Variants in PYGO1 observed in about 807,000 individuals in gnomAD.
PYGO1 encodes the protein pygopus homolog 1.
Under a neutral mutation model 29.5 loss-of-function variants are expected in PYGO1, and 6 were observed. The observed-to-expected ratio is 0.20, with a 90% CI of 0.11 to 0.40. The LOEUF (loss-of-function observed/expected upper bound fraction) is 0.40, where lower values mean the gene tolerates loss of function less well. Ranked by LOEUF, PYGO1 falls within the 10% of genes least tolerant of loss-of-function variation. The probability of loss-of-function intolerance (pLI) is 1.00; values close to 1 mark genes in which losing one functional copy is unlikely to be tolerated. For synonymous variants in PYGO1, 186 were observed against 180.5 expected, an observed-to-expected ratio of 1.03 and a Z score of -0.24; for missense variants, 515 against 514.9, an observed-to-expected ratio of 1.00 and a Z score of 0.00.
At chr15:55,576,760 C>CAAAAAAA (rs10648446) in intron 1 of PYGO1, among the ~76,000 whole-genome samples, 14 of 53,568 alleles carry the variant, frequency 2.6e-4, no homozygotes, top group African/African-American at 4.4e-4. Context: ...GGCGACAGAT[C>CAAAAAAA]AAAAAAAAGA....
intron 1 of PYGO1, among the ~76,000 whole-genome samples, chr15:55,566,162 G>C (rs998345111): frequency 6.6e-6 from 1 of 152,174 alleles, no homozygotes; most frequent in Non-Finnish European, 1.5e-5. Flanking sequence ...GCTGAGGTTT[G>C]AGGTGTGAAA....
rs138410507 is a variant in PYGO1, at chr15:55,560,931, C to T, written c.50-11936G>A. Reference sequence around the variant, plus strand: ...TCATGCCACTGCACTCCAGCCTGGGCGACAGAGCAAGACTCTATCTCAAAA... The same window carrying T: ...TCATGCCACTGCACTCCAGCCTGGGTGACAGAGCAAGACTCTATCTCAAAA... On this transcript the variant is annotated intron_variant, in intron 1 of 2. Coordinates refer to ENST00000563719, the MANE Select transcript of PYGO1 (RefSeq NM_001367806.1). Among the ~76,000 whole-genome samples the T allele has an allele frequency of 3.2e-4, 49 of 152,072 alleles. No homozygotes were observed. In the East Asian group the frequency reaches 5.8e-3, roughly 18 times the overall value.
Position 55,546,934 on chromosome 15 carries a change from G to C in PYGO1, c.349C>G (p.Pro117Ala). 1.9e-6 allele frequency: 3 copies of C among 1,614,098 alleles called. No individual in the cohort carries two copies. Among genetic ancestry groups the C allele is most frequent in the Non-Finnish European group, 2.5e-6 (3 of 1,179,984 alleles). The change falls in exon 3 of 3, where the codon CCA becomes GCA. Residue 117 changes from proline to alanine, a missense_variant. Transcript: ENST00000563719. ...PPHVPPRMSS[P>A]YCGPYSLRNQ... ...CTGAGTGAGTAAGGACCACAGTATG[G>C]GGAAGACATTCTTGGGGGAACGTGA...
chr15:55,570,109 T>TA lies in PYGO1; in HGVS notation c.49+17725dup, dbSNP rs543593643. Among the ~76,000 whole-genome samples the TA allele has an allele frequency of 1.2e-3, 188 of 152,328 alleles. 2 individuals carry two copies. Among genetic ancestry groups the TA allele is most frequent in the Non-Finnish European group, 1.8e-4 (12 of 68,012 alleles). On this transcript the variant is annotated intron_variant, in intron 1 of 2. Transcript: ENST00000563719. ...AGGTCAGTCAGAGAGAGGGGCTCTC[T>TA]ACCTCTTTCACATACTTAGGCCTCA...
At chr15:55,563,160 A>G (rs1462129675) in intron 1 of PYGO1, among the ~76,000 whole-genome samples, 1 of 152,174 alleles carries the variant, frequency 6.6e-6, no homozygotes, top group African/African-American at 2.4e-5. Context: ...GTGAAAAGAC[A>G]ACCCACACAA....
At chr15:55,562,467 T>C (rs886828568) in intron 1 of PYGO1, among the ~76,000 whole-genome samples, 1 of 150,984 alleles carries the variant, frequency 6.6e-6, no homozygotes, top group African/African-American at 2.4e-5. Flanking sequence ...ATGTCAGGAG[T>C]TCAAGACCAA....
chr15:55,588,003 G>C lies in PYGO1; in HGVS notation c.-120C>G. ...GCTGCGAGGCAAGCCTCGGAGCCGAGGCACGGCCGAGGGCGGTGGGGACGC... is the reference window on the plus strand; with the variant it reads ...GCTGCGAGGCAAGCCTCGGAGCCGACGCACGGCCGAGGGCGGTGGGGACGC... On this transcript the variant is annotated 5_prime_UTR_variant, in exon 1 of 3. Coordinates refer to ENST00000563719, the MANE Select transcript of PYGO1 (RefSeq NM_001367806.1). 2 of 1,365,416 alleles carry C rather than the reference G, an allele frequency of 1.5e-6. No individual in the cohort carries two copies. The highest frequency in any genetic ancestry group is 6.5e-5 in the East Asian group (2 of 30,906). The allele number at this position is 1,365,416 out of a possible 1,614,324, so 84.6% of individuals were successfully genotyped here.
rs1432874076 is a variant in PYGO1, at chr15:55,587,945, G to T, written c.-62C>A. The T allele has an allele frequency of 3.5e-6, 5 of 1,447,802 alleles. No individual in the cohort carries two copies. The highest frequency in any genetic ancestry group is 4.6e-5 in the Admixed American group (2 of 43,956). 89.7% of individuals were successfully genotyped at this position (1,447,802 alleles called of 1,614,324 possible). On this transcript the variant is annotated 5_prime_UTR_variant, in exon 1 of 3. Coordinates refer to ENST00000563719, the MANE Select transcript of PYGO1 (RefSeq NM_001367806.1). The stretch of plus-strand genomic sequence containing the variant: ...GGAATTCGGTCTCTTTGATGCTGCG[G>T]CGGCGGCTCCTCCTCCTCGCGGGGC...
intron 1 of PYGO1, among the ~76,000 whole-genome samples, chr15:55,549,631 T>C (rs1302296024): frequency 6.6e-6 from 1 of 152,220 alleles, no homozygotes; most frequent in Non-Finnish European, 1.5e-5. Flanking sequence ...ACCAGAATTA[T>C]GGCATCAAAG....
chr15:55,561,577 C>A (rs2058933048), intron 1 of PYGO1, among the ~76,000 whole-genome samples: 1 of 152,146 alleles, frequency 6.6e-6, no homozygotes, highest in Non-Finnish European at 1.5e-5. Flanking sequence ...GGGGAAACCA[C>A]CCCCATAAGC....
intron 1 of PYGO1, among the ~76,000 whole-genome samples, chr15:55,584,255 C>T (rs750917238): frequency 6.6e-6 from 1 of 151,904 alleles, no homozygotes; most frequent in Non-Finnish European, 1.5e-5. Flanking sequence ...GTAGCTAAGA[C>T]CACAGGCACA....
rs61603322 is a variant in PYGO1 at position 55,542,952 on chromosome 15, CA to C, written c.*3070del. ...AAAACAAAAACAAAACAAAACAAAA[CA>C]AAAAAAACAAAAAAAAACCCACCTT... is the stretch of plus-strand genomic sequence containing the variant. On this transcript the variant is annotated 3_prime_UTR_variant, in exon 3 of 3. Coordinates refer to ENST00000563719, the MANE Select transcript of PYGO1 (RefSeq NM_001367806.1). 0.54 allele frequency: 76,207 copies of C among 142,358 alleles called. 21,332 individuals carry two copies. Among genetic ancestry groups the C allele is most frequent in the Non-Finnish European group, 0.65 (44,137 of 67,522 alleles). 8.8% of individuals were successfully genotyped at this position (142,358 alleles called of 1,614,324 possible).
intron 1 of PYGO1, among the ~76,000 whole-genome samples, chr15:55,587,236 G>T (rs1397169877): frequency 2.6e-5 from 4 of 152,184 alleles, no homozygotes; most frequent in Non-Finnish European, 5.9e-5. Context: ...GCGCAAGAAA[G>T]AAGAAAATCA....
rs1039417478 is a variant in PYGO1 at position 55,544,276 on chromosome 15, A to G, written c.*1747T>C. 1.3e-5 allele frequency: 2 copies of G among 152,254 alleles called. No individual in the cohort carries two copies. The highest frequency in any genetic ancestry group is 2.9e-5 in the Non-Finnish European group (2 of 68,038). 9.4% of individuals were successfully genotyped at this position (152,254 alleles called of 1,614,324 possible). On this transcript the variant is annotated 3_prime_UTR_variant, in exon 3 of 3. Transcript: ENST00000563719. Reference sequence around the variant, plus strand: ...GGAGCATGAATAGTTTTCTTCCAACAGAATATTAAAGGTCTAACTTTTATA... The same window carrying G: ...GGAGCATGAATAGTTTTCTTCCAACGGAATATTAAAGGTCTAACTTTTATA...
chr15:55,562,667 A>T (rs7168925), intron 1 of PYGO1, among the ~76,000 whole-genome samples: 141,944 of 151,198 alleles, frequency 0.94, 66,787 homozygotes, highest in Non-Finnish European at 0.97. Context: ...CAAGACTCCA[A>T]CTCAAAAAAA....
intron 1 of PYGO1, among the ~76,000 whole-genome samples, chr15:55,584,049 T>C (rs2059036391): frequency 6.7e-6 from 1 of 150,240 alleles, no homozygotes; most frequent in Non-Finnish European, 1.5e-5. Context: ...TTTGTAGCTA[T>C]TTATTTGTCA....
chr15:55,545,952 C>T lies in PYGO1; in HGVS notation c.*71G>A, dbSNP rs2058847731. On this transcript the variant is annotated 3_prime_UTR_variant, in exon 3 of 3. Coordinates refer to ENST00000563719, the MANE Select transcript of PYGO1 (RefSeq NM_001367806.1). ...ATGCATTTAAAAAAATAATGTAAAA[C>T]ATTAAAATCCTGTGTCAATGAACTT... is the stretch of plus-strand genomic sequence containing the variant. 2.1e-6 allele frequency: 3 copies of T among 1,423,874 alleles called. No homozygotes were observed. The highest frequency in any genetic ancestry group is 2.8e-6 in the Non-Finnish European group (3 of 1,055,834). The allele number at this position is 1,423,874 out of a possible 1,614,324, so 88.2% of individuals were successfully genotyped here. A position where few individuals can be genotyped will look rare whatever the true frequency, so the allele number is the denominator to read the frequency against.
rs536404639 is a variant in PYGO1 at position 55,543,607 on chromosome 15, T to C, written c.*2416A>G. Reference sequence around the variant, plus strand: ...ACCTTTAGACTAGCTTGGGAGAAGTTATTTCATTTTCACAAAAACAGCTAA... The same window carrying C: ...ACCTTTAGACTAGCTTGGGAGAAGTCATTTCATTTTCACAAAAACAGCTAA... On this transcript the variant is annotated 3_prime_UTR_variant, in exon 3 of 3. Coordinates refer to ENST00000563719, the MANE Select transcript of PYGO1 (RefSeq NM_001367806.1). 1 of 152,326 alleles carries C rather than the reference T, an allele frequency of 6.6e-6. No homozygotes were observed. Among genetic ancestry groups the C allele is most frequent in the South Asian group, 2.1e-4 (1 of 4,828 alleles). The allele number at this position is 152,326 out of a possible 1,614,324, so 9.4% of individuals were successfully genotyped here. A position where few individuals can be genotyped will look rare whatever the true frequency, so the allele number is the denominator to read the frequency against.
chr15:55,550,052 T>C (rs1416979268), intron 1 of PYGO1, among the ~76,000 whole-genome samples: 2 of 152,204 alleles, frequency 1.3e-5, no homozygotes, highest in Non-Finnish European at 2.9e-5. Context: ...CTACAGAAAT[T>C]AACAATAATC....
Sources: allele counts gnomAD v4.1 joint callset (sites outside exome capture counted in the v4.1 genomes callset), GRCh38; gene constraint gnomAD v4.1.1; transcripts MANE v1.5; gene names NCBI Gene and HGNC (gene_info 2026-07-23, HGNC 2026-07-21).